SMARCA2: variants seen among roughly 807,000 people sequenced by gnomAD.
SMARCA2 encodes the protein SWI/SNF-related matrix-associated actin-dependent regulator of chromatin subfamily A member 2.
In SMARCA2, 61 loss-of-function variants were observed where a neutral mutation model predicts 199.8. The ratio of observed to expected loss-of-function variants is 0.31; its 90% CI spans 0.25 to 0.38. The LOEUF is 0.38. Ranked by LOEUF, SMARCA2 falls within the 10% of genes least tolerant of loss-of-function variation. The probability of loss-of-function intolerance (pLI) is 1.00; values close to 1 mark genes in which losing one functional copy is unlikely to be tolerated. For missense variants in SMARCA2, 1,344 were observed against 2,012.2 expected, an observed-to-expected ratio of 0.67 and a Z score of 6.35; for synonymous variants, 935 against 732.0, an observed-to-expected ratio of 1.28 and a Z score of -4.48.
intron 9 of SMARCA2, among the ~76,000 whole-genome samples, chr9:2,061,272 A>C (rs546881809): frequency 5.8e-4 from 88 of 152,358 alleles, no homozygotes; most frequent in African/African-American, 2.1e-3. Flanking sequence ...TCAATTGGGA[A>C]AGGAAAAACA....
At chr9:2,034,008 AGGCTGAGACG>A (rs1027083775) in intron 3 of SMARCA2, among the ~76,000 whole-genome samples, 3 of 152,090 alleles carry the variant, frequency 2.0e-5, no homozygotes, top group African/African-American at 7.2e-5. Flanking sequence ...GCGCTTTGGG[AGGCTGAGACG>A]GGCGGATCAC....
At chr9:2,073,085 A>T in intron 10 of SMARCA2, 127 bp from the exon 11 acceptor site, 2 of 1,051,712 alleles carry the variant, frequency 1.9e-6, no homozygotes, top group Non-Finnish European at 2.8e-6. Context: ...CTCATTAGGT[A>T]GTGAAATTTC....
At chr9:2,127,666 C>A (rs531100672) in intron 27 of SMARCA2, among the ~76,000 whole-genome samples, 2 of 152,162 alleles carry the variant, frequency 1.3e-5, no homozygotes, top group Non-Finnish European at 2.9e-5. Flanking sequence ...TGTGGCCACT[C>A]CAGCTGCAAA....
At chr9:2,112,535 C>T (rs929225165) in intron 24 of SMARCA2, among the ~76,000 whole-genome samples, 3 of 151,612 alleles carry the variant, frequency 2.0e-5, no homozygotes, top group Non-Finnish European at 4.4e-5. Flanking sequence ...ACTCTAGAAT[C>T]AAAGTAAATT....
Position 2,169,258 on chromosome 9 carries a change from T to G in SMARCA2, c.4200-1161T>G, listed in dbSNP as rs1485192971. Among the ~76,000 whole-genome samples the G allele has an allele frequency of 6.6e-6, 1 of 152,204 alleles. No homozygotes were observed. Among genetic ancestry groups the G allele is most frequent in the Non-Finnish European group, 1.5e-5 (1 of 68,030 alleles). On this transcript the variant is annotated intron_variant, in intron 28 of 33. Coordinates refer to ENST00000349721, the MANE Select transcript of SMARCA2 (RefSeq NM_003070.5). This position sits in a 1 kb window ranked among gnomAD's most constrained non-coding sequence, Gnocchi z 6.5. ...TGGACTGCGTGCCCTGCCTCCAGTC[T>G]CTTCCTGTCCTGGCTTCTTTCTGAG...
chr9:2,102,370 G>A (rs1586707044), intron 22 of SMARCA2, among the ~76,000 whole-genome samples: 1 of 152,228 alleles, frequency 6.6e-6, no homozygotes, highest in Non-Finnish European at 1.5e-5. Context: ...AGGGTTGCAT[G>A]GTGAAAACAC....
At chr9:2,043,655 T>C (rs1819709124) in intron 4 of SMARCA2, 1 of 152,216 alleles carries the variant, frequency 6.6e-6, no homozygotes, top group South Asian at 2.1e-4. Flanking sequence ...CATAGATCTT[T>C]TATTTGCATG....
rs1045333258 is a variant in SMARCA2, at chr9:2,169,926, C to G, written c.4200-493C>G. Among the ~76,000 whole-genome samples, 5 of 152,194 alleles carry G rather than the reference C, an allele frequency of 3.3e-5. No individual in the cohort carries two copies. Among genetic ancestry groups the G allele is most frequent in the African/African-American group, 1.2e-4 (5 of 41,438 alleles). ...CAGAGCTGACTAGTTAGATGGTGTT[C>G]AGACCCAAATTGGCTGATGCTTGGA... On this transcript the variant is annotated intron_variant, in intron 28 of 33. Transcript: ENST00000349721. The surrounding 1 kb of genome is among the most constrained non-coding windows in gnomAD (Gnocchi z 6.5).
chr9:2,168,434 T>C (rs1018622428), intron 28 of SMARCA2, among the ~76,000 whole-genome samples: 1 of 152,264 alleles, frequency 6.6e-6, no homozygotes, highest in African/African-American at 2.4e-5. Context: ...TTTTCTCATT[T>C]TGAGTAGGGC....
intron 27 of SMARCA2, among the ~76,000 whole-genome samples, chr9:2,142,244 A>G (rs759110515): frequency 2.0e-5 from 3 of 152,214 alleles, no homozygotes; most frequent in Non-Finnish European, 2.9e-5. Context: ...ATGACATCAA[A>G]TTTAAAGTTT....
chr9:2,168,656 C>G (rs1826067504), intron 28 of SMARCA2, among the ~76,000 whole-genome samples: 1 of 152,218 alleles, frequency 6.6e-6, no homozygotes, highest in African/African-American at 2.4e-5. Flanking sequence ...GGCATTCATA[C>G]TGTCTTTCTA....
intron 27 of SMARCA2, among the ~76,000 whole-genome samples, chr9:2,156,784 T>C (rs1192802267): frequency 6.6e-6 from 1 of 152,204 alleles, no homozygotes; most frequent in Non-Finnish European, 1.5e-5. Context: ...ATTTACATTG[T>C]TGTGCAACCA....
chr9:2,095,336 G>A (rs576983272), intron 19 of SMARCA2, among the ~76,000 whole-genome samples: 2 of 151,834 alleles, frequency 1.3e-5, no homozygotes, highest in East Asian at 3.9e-4. Context: ...CGCCCGCCTC[G>A]GCCTCCCAAA....
At position 2,170,011 on chromosome 9, in the gene SMARCA2, T is replaced by C. The variant is rs985229323; in HGVS notation, c.4200-408T>C. Reference sequence around the variant, plus strand: ...CTTTATCCTATTTAATTTTTATAACTTTCTGAGGTAAGTATTTCCCCCATT... The same window carrying C: ...CTTTATCCTATTTAATTTTTATAACCTTCTGAGGTAAGTATTTCCCCCATT... On this transcript the variant is annotated intron_variant, in intron 28 of 33. Transcript: ENST00000349721. The surrounding 1 kb of genome is among the most constrained non-coding windows in gnomAD (Gnocchi z 4.7). 5.3e-5 allele frequency among the ~76,000 whole-genome samples: 8 copies of C among 152,144 alleles called. No individual in the cohort carries two copies. Among genetic ancestry groups the C allele is most frequent in the African/African-American group, 1.9e-4 (8 of 41,414 alleles).
At chr9:2,149,455 G>A (rs1390435417) in intron 27 of SMARCA2, among the ~76,000 whole-genome samples, 1 of 151,600 alleles carries the variant, frequency 6.6e-6, no homozygotes, top group East Asian at 1.9e-4. Context: ...GGGAAGCAGA[G>A]GTTGCAGTGA....
chr9:2,082,061 G>A lies in SMARCA2; in HGVS notation c.2348+66G>A, dbSNP rs1450664774. 3.0e-6 allele frequency: 4 copies of A among 1,351,614 alleles called. No homozygotes were observed. The African/African-American group carries it at 4.4e-5, about 15-fold the overall frequency. The allele number at this position is 1,351,614 out of a possible 1,614,324, so 83.7% of individuals were successfully genotyped here. On this transcript the variant is annotated intron_variant, in intron 15 of 33. Coordinates refer to ENST00000349721, the MANE Select transcript of SMARCA2 (RefSeq NM_003070.5). The stretch of plus-strand genomic sequence containing the variant: ...TTGTAGAGTGCCCGATTAGTAGCTT[G>A]TCCTTGTTTTTTACTTAAGACAGAA...
intron 27 of SMARCA2, chr9:2,158,645 GT>G (rs1181589561): frequency 1.3e-5 from 4 of 297,772 alleles, no homozygotes; most frequent in Non-Finnish European, 2.5e-5. Flanking sequence ...TGTGTAGCAA[GT>G]TTTGGGGTTT....
At chr9:2,165,849 A>G (rs956596920) in intron 28 of SMARCA2, among the ~76,000 whole-genome samples, 1 of 152,166 alleles carries the variant, frequency 6.6e-6, no homozygotes, top group Non-Finnish European at 1.5e-5. Context: ...TCCTAGAGGC[A>G]TTATTAACGT....
chr9:2,131,012 T>C (rs1028175900), intron 27 of SMARCA2, among the ~76,000 whole-genome samples: 4 of 152,180 alleles, frequency 2.6e-5, no homozygotes, highest in Admixed American at 6.5e-5. Context: ...GGAATGCCTG[T>C]TTTACTATTC....
Sources: gnomAD v4.1 joint callset for allele counts (sites outside exome capture counted in the v4.1 genomes callset) on GRCh38, gnomAD v4.1.1 for gene constraint, Gnocchi (gnomAD v3.1) non-coding constraint, MANE v1.5 for transcripts, NCBI Gene and HGNC (gene_info 2026-07-23, HGNC 2026-07-21) for gene names.